The following AGTPBP1 variants were observed in gnomAD, a reference collection of about 807,000 sequenced individuals.
The protein encoded by AGTPBP1 is cytosolic carboxypeptidase 1.
In AGTPBP1, 70 loss-of-function variants were observed where a neutral mutation model predicts 143.9. The observed-to-expected ratio is 0.49, with a 90% CI of 0.40 to 0.59. The LOEUF is 0.59. Among genes scored for constraint, AGTPBP1 ranks in the 20% least tolerant of loss-of-function variants. The pLI is 0.00. For synonymous variants in AGTPBP1, 463 were observed against 500.2 expected (o/e 0.93, Z 0.99); for missense variants, 1,229 against 1,464.5 (o/e 0.84, Z 2.62).
intron 1 of AGTPBP1, among the ~76,000 whole-genome samples, chr9:85,725,328 T>G (rs1258739905): frequency 2.6e-5 from 4 of 152,234 alleles, no homozygotes; most frequent in Non-Finnish European, 4.4e-5. Flanking sequence ...TTTTTTTAAC[T>G]TTTGTGCATC....
intron 13 of AGTPBP1, among the ~76,000 whole-genome samples, chr9:85,639,166 CT>C (rs944963600): frequency 2.6e-5 from 4 of 151,958 alleles, no homozygotes; most frequent in African/African-American, 7.2e-5. Flanking sequence ...AATTTTTTAT[CT>C]TTTTTAGAAA....
chr9:85,617,506 T>TAGTA (rs1830662932), intron 17 of AGTPBP1, among the ~76,000 whole-genome samples: 1 of 152,192 alleles, frequency 6.6e-6, no homozygotes, highest in African/African-American at 2.4e-5. Context: ...GCATAATGTT[T>TAGTA]GACTACTGGG....
intron 25 of AGTPBP1, among the ~76,000 whole-genome samples, chr9:85,550,960 G>A (rs1057026698): frequency 6.6e-6 from 1 of 152,100 alleles, no homozygotes; most frequent in African/African-American, 2.4e-5. Context: ...GGGCCTGGTG[G>A]GAGGTGTTTG....
intron 25 of AGTPBP1, among the ~76,000 whole-genome samples, chr9:85,565,960 T>C (rs1827058192): frequency 6.6e-6 from 1 of 152,228 alleles, no homozygotes; most frequent in South Asian, 2.1e-4. Flanking sequence ...GGATAAAGTC[T>C]AATGTGCTTA....
At chr9:85,646,556 C>A in intron 11 of AGTPBP1, 138 bp from the exon 12 acceptor site, 1 of 636,388 alleles carries the variant, frequency 1.6e-6, no homozygotes, top group Non-Finnish European at 2.7e-6. Context: ...TAACATCTCT[C>A]TAAGGCTGTC....
intron 2 of AGTPBP1, among the ~76,000 whole-genome samples, chr9:85,695,757 A>C (rs973763349): frequency 3.3e-5 from 5 of 152,234 alleles, no homozygotes; most frequent in Admixed American, 6.5e-5. Context: ...TTTCCAAAGA[A>C]CATCATTTTT....
chr9:85,657,241 T>A (rs1833578274), intron 10 of AGTPBP1, among the ~76,000 whole-genome samples, 194 bp downstream of exon 10: 1 of 151,386 alleles, frequency 6.6e-6, no homozygotes, highest in African/African-American at 2.4e-5. Context: ...TGCAGAGCTG[T>A]GCACTGACCA....
At chr9:85,797,880 A>G in the AGTPBP1 span, among the ~76,000 whole-genome samples, 1 of 152,084 alleles carries the variant, frequency 6.6e-6, no homozygotes, top group African/African-American at 2.4e-5. Flanking sequence ...ACCAGATCCC[A>G]TGTTTTTCTG....
At chr9:85,754,392 A>T in the AGTPBP1 span, among the ~76,000 whole-genome samples, 1 of 152,122 alleles carries the variant, frequency 6.6e-6, no homozygotes, top group South Asian at 2.1e-4. Context: ...GGGTTTCACC[A>T]TGTTAGCCAG....
Position 85,741,861 on chromosome 9 carries a change from G to A in AGTPBP1, c.-120C>T. ...GATCACGGCGGATCCCTCGCCGCCCGCCGCCCGGTGTTTTCATACAAACCC... is the reference window on the plus strand; with the variant it reads ...GATCACGGCGGATCCCTCGCCGCCCACCGCCCGGTGTTTTCATACAAACCC... On this transcript the variant is annotated 5_prime_UTR_variant, in exon 1 of 26. Transcript: ENST00000357081. The A allele has an allele frequency of 7.2e-7, 1 of 1,396,216 alleles. No homozygotes were observed. Among genetic ancestry groups the A allele is most frequent in the Non-Finnish European group, 9.3e-7 (1 of 1,076,864 alleles). The allele number at this position is 1,396,216 out of a possible 1,614,324, so 86.5% of individuals were successfully genotyped here.
At chr9:85,571,994 GTT>G (rs1827500670) in intron 25 of AGTPBP1, among the ~76,000 whole-genome samples, 2 of 100,166 alleles carry the variant, frequency 2.0e-5, no homozygotes, top group Non-Finnish European at 4.5e-5. Context: ...ATTATTAGTT[GTT>G]TGTGTGTGTT....
chr9:85,611,079 A>G (rs1018460087), intron 17 of AGTPBP1, among the ~76,000 whole-genome samples: 12 of 152,000 alleles, frequency 7.9e-5, no homozygotes, highest in African/African-American at 2.4e-4. Flanking sequence ...ATTAAACTTA[A>G]GGCAGATGGA....
intron 1 of AGTPBP1, among the ~76,000 whole-genome samples, chr9:85,713,731 G>A (rs530778946): frequency 8.5e-5 from 13 of 152,156 alleles, no homozygotes; most frequent in Non-Finnish European, 1.5e-4. Context: ...TTTTCAACAC[G>A]ACATACATAA....
chr9:85,646,276 GTATATCATT>G (rs755536237), intron 12 of AGTPBP1, 36 bp downstream of exon 12: 3 of 1,394,006 alleles, frequency 2.2e-6, no homozygotes, highest in South Asian at 2.3e-5. Context: ...TACAACTGTA[GTATATCATT>G]TATAAAGCTA....
chr9:85,750,129 G>A, the AGTPBP1 span, among the ~76,000 whole-genome samples: 2 of 152,086 alleles, frequency 1.3e-5, no homozygotes, highest in African/African-American at 2.4e-5. Context: ...TGATCTACCC[G>A]CCTTGGCCTC....
chr9:85,592,458 AATT>A (rs1452583777), intron 19 of AGTPBP1, 99 bp downstream of exon 19: 3 of 788,490 alleles, frequency 3.8e-6, no homozygotes, highest in South Asian at 2.9e-5. Context: ...AACTAAACTC[AATT>A]ATTATCATTA....
chr9:85,578,909 A>G lies in AGTPBP1; in HGVS notation c.3342+11T>C. 7 of 1,610,266 alleles carry G rather than the reference A, an allele frequency of 4.3e-6. No individual in the cohort carries two copies. The highest frequency in any genetic ancestry group is 5.1e-6 in the Non-Finnish European group (6 of 1,178,712). On this transcript the variant is annotated intron_variant, in intron 24 of 25. Coordinates refer to ENST00000357081, the MANE Select transcript of AGTPBP1 (RefSeq NM_001330701.2). Reference sequence around the variant, plus strand: ...ATATCTTTCATGGTTAGAAAACCTAAGATGTTTTACCTTGTATTTTCCCTG... The same window carrying G: ...ATATCTTTCATGGTTAGAAAACCTAGGATGTTTTACCTTGTATTTTCCCTG...
upstream of AGTPBP1, among the ~76,000 whole-genome samples, chr9:85,745,941 C>T (rs1045320288): frequency 1.3e-5 from 2 of 152,196 alleles, no homozygotes; most frequent in African/African-American, 4.8e-5. Flanking sequence ...AATCTGGGAG[C>T]TTGCACTGGT....
At chr9:85,786,361 C>G in the AGTPBP1 span, 2 of 1,614,002 alleles carry the variant, frequency 1.2e-6, no homozygotes, top group African/African-American at 2.7e-5. Flanking sequence ...AGATGATAAT[C>G]AGTTTACAAA....
Sources: gnomAD v4.1 joint callset for allele counts (sites outside exome capture counted in the v4.1 genomes callset) on GRCh38, gnomAD v4.1.1 for gene constraint, MANE v1.5 for transcripts, NCBI Gene and HGNC (gene_info 2026-07-23, HGNC 2026-07-21) for gene names.